Variants in ADCY6 observed in about 807,000 individuals in gnomAD.
ADCY6 encodes the protein adenylate cyclase 6, also known as adenylate cyclase type 6.
Under a neutral mutation model 111.6 loss-of-function variants are expected in ADCY6, and 59 were observed. The observed-to-expected ratio is 0.53, with a 90% CI of 0.43 to 0.66. The LOEUF is 0.66. ADCY6 is among the 30% of genes least tolerant of loss of function. ADCY6 has a pLI of 0.00. For synonymous variants in ADCY6, 576 were observed against 642.9 expected, an observed-to-expected ratio of 0.90 and a Z score of 1.57; for missense variants, 1,242 against 1,595.6, an observed-to-expected ratio of 0.78 and a Z score of 3.78.
chr12:48,781,817 C>T (rs1271405329), intron 2 of ADCY6, among the ~76,000 whole-genome samples: 1 of 152,222 alleles, frequency 6.6e-6, no homozygotes, highest in Non-Finnish European at 1.5e-5. Flanking sequence ...CGTGGAGTCC[C>T]ACCTCACACA....
At chr12:48,772,033 C>G (rs758015419) in intron 18 of ADCY6, 60 bp from the exon 19 acceptor site, 34 of 1,556,760 alleles carry the variant, frequency 2.2e-5, no homozygotes, top group Non-Finnish European at 2.9e-5. Flanking sequence ...GTGTGGTGGC[C>G]AAGGCTTGGA....
chr12:48,789,736 C>T (rs1401050879), upstream of ADCY6: 1 of 152,118 alleles, frequency 6.6e-6, no homozygotes, highest in Admixed American at 6.5e-5. Flanking sequence ...TCCTCTTCCC[C>T]CCAGTCTCTG....
At position 48,782,858 on chromosome 12, in the gene ADCY6, C is replaced by A. The variant is rs1283741923; in HGVS notation, c.577G>T (p.Gly193Trp). The A allele has an allele frequency of 1.2e-6, 2 of 1,614,030 alleles. No individual in the cohort carries two copies. Among genetic ancestry groups the A allele is most frequent in the Admixed American group, 3.3e-5 (2 of 60,030 alleles). Residue 193 changes from glycine to tryptophan, a missense_variant, in exon 2 of 22, where the codon GGG becomes TGG. Gly to Trp is a radical substitution (Grantham distance 184). Coordinates refer to ENST00000357869, the MANE Select transcript of ADCY6 (RefSeq NM_015270.5). The surrounding 1 kb of genome is among the most constrained non-coding windows in gnomAD (Gnocchi z 4.3). ...TGCCGGTTACACACCACCATGAGCC[C>A]CACGAACAGGGCGGCGGCACAGGCC... ...LLACAAALFV[G>W]LMVVCNRHSF...
rs1006472757 is a variant in ADCY6 at position 48,771,395 on chromosome 12, C to A, written c.3051+315G>T. On this transcript the variant is annotated intron_variant, in intron 19 of 21. Transcript: ENST00000357869. The surrounding 1 kb of genome is among the most constrained non-coding windows in gnomAD (Gnocchi z 4.3). ...CAGAGGACCATCTTGCTTGGTTGGT[C>A]TCATGAGGTTCTGTCCACAGACTAT... 3.9e-6 allele frequency: 2 copies of A among 518,754 alleles called. No individual in the cohort carries two copies. Among genetic ancestry groups the A allele is most frequent in the Admixed American group, 6.4e-5 (2 of 31,236 alleles). The allele number at this position is 518,754 out of a possible 1,614,324, so 32.1% of individuals were successfully genotyped here. A position where few individuals can be genotyped will look rare whatever the true frequency, so the allele number is the denominator to read the frequency against.
At position 48,776,805 on chromosome 12, in the gene ADCY6, G is replaced by C. The variant is rs865963816; in HGVS notation, c.1377-219C>G. Reference sequence around the variant, plus strand: ...AGCAGGGGCCCAGCAGCATCTTATGGAACTGAGCTAGGAGAAGAGGAATCA... The same window carrying C: ...AGCAGGGGCCCAGCAGCATCTTATGCAACTGAGCTAGGAGAAGAGGAATCA... On this transcript the variant is annotated intron_variant, in intron 6 of 21. Coordinates refer to ENST00000357869, the MANE Select transcript of ADCY6 (RefSeq NM_015270.5). This position sits in a 1 kb window ranked among gnomAD's most constrained non-coding sequence, Gnocchi z 6.1. Among the ~76,000 whole-genome samples, 1 of 152,184 alleles carries C rather than the reference G, an allele frequency of 6.6e-6. No homozygotes were observed. The highest frequency in any genetic ancestry group is 2.4e-5 in the African/African-American group (1 of 41,444).
intron 18 of ADCY6, 122 bp downstream of exon 18, chr12:48,772,173 T>C (rs1764525903): frequency 1.4e-6 from 2 of 1,453,462 alleles, no homozygotes; most frequent in African/African-American, 2.8e-5. Context: ...AGAGAAGGAA[T>C]GGAACCAGGG....
At position 48,772,386 on chromosome 12, in the gene ADCY6, G is replaced by C. The variant is rs1300436871; in HGVS notation, c.2696C>G (p.Pro899Arg). 2.5e-6 allele frequency: 4 copies of C among 1,614,204 alleles called. No homozygotes were observed. In the South Asian group the frequency reaches 4.4e-5, roughly 18 times the overall value. Residue 899 changes from proline (P) to arginine (R), a missense_variant, in exon 18 of 22, where the codon CCT becomes CGT. Physicochemically the swap from Pro to Arg is moderately radical, Grantham distance 103. Around this residue, in one of 4 missense-constraint regions of ADCY6, gnomAD observed 245 missense variants for 371.3 expected, o/e 0.66. Coordinates refer to ENST00000357869, the MANE Select transcript of ADCY6 (RefSeq NM_015270.5). ...AGRVALKYMTPVILLVFALAL... is the reference protein window; with the variant it reads ...AGRVALKYMTRVILLVFALAL... ...CAGCGCAAACACCAGCAGAATCACA[G>C]GGGTCATATATTTGAGGGCCACCCT...
intron 2 of ADCY6, chr12:48,778,536 C>G: frequency 2.3e-6 from 1 of 437,258 alleles, no homozygotes; most frequent in Non-Finnish European, 4.2e-6. Context: ...AGTCATGGGG[C>G]CCAGCCCCAG....
intron 2 of ADCY6, among the ~76,000 whole-genome samples, chr12:48,780,170 C>T (rs1007202546): frequency 3.3e-5 from 5 of 151,954 alleles, no homozygotes; most frequent in Non-Finnish European, 5.9e-5. Context: ...GGAAGGGGGA[C>T]GAGACTGAAA....
chr12:48,774,640 T>C (rs1214587092), intron 13 of ADCY6, 51 bp downstream of exon 13: 3 of 1,595,166 alleles, frequency 1.9e-6, no homozygotes, highest in Non-Finnish European at 2.6e-6. Flanking sequence ...CTCCTCCCTG[T>C]CTGGAGTCCA....
chr12:48,771,468 A>G lies in ADCY6; in HGVS notation c.3051+242T>C. ...CACCTGGTACCTATCCTATCCCCCT[A>G]CAGATCAAGTCCTCCCCTGCTCCCC... On this transcript the variant is annotated intron_variant, in intron 19 of 21. Transcript: ENST00000357869. The surrounding 1 kb of genome is among the most constrained non-coding windows in gnomAD (Gnocchi z 4.3). 1.6e-6 allele frequency: 1 copy of G among 637,216 alleles called. No individual in the cohort carries two copies. Among genetic ancestry groups the G allele is most frequent in the South Asian group, 1.8e-5 (1 of 56,474 alleles). 39.5% of individuals were successfully genotyped at this position (637,216 alleles called of 1,614,324 possible).
At chr12:48,788,545 G>T (rs1039510424) in intron 1 of ADCY6, among the ~76,000 whole-genome samples, 3 of 151,872 alleles carry the variant, frequency 2.0e-5, no homozygotes, top group African/African-American at 7.3e-5. Context: ...TCCCCTAAAT[G>T]GAATCTCCCC....
rs1329175528 is a variant in ADCY6, at chr12:48,774,410, C to T, written c.2275G>A (p.Ala759Thr). The T allele has an allele frequency of 6.2e-7, 1 of 1,612,966 alleles. No individual in the cohort carries two copies. The highest frequency in any genetic ancestry group is 8.5e-7 in the Non-Finnish European group (1 of 1,179,198). The change falls in exon 14 of 22, where the codon GCC (alanine) becomes ACC (threonine). Residue 759 changes from alanine to threonine, a missense_variant. Physicochemically the swap from Ala to Thr is moderately conservative, Grantham distance 58 (BLOSUM62 0). Transcript: ENST00000357869. Reference sequence around the variant, plus strand: ...TCCCACTGGACCCTTACCATGTTGGCAATGGCAGAAGTAAACACAAGCAGG... The same window carrying T: ...TCCCACTGGACCCTTACCATGTTGGTAATGGCAGAAGTAAACACAAGCAGG... ...SVLLVFTSAI[A>T]NMFTCNHTPI...
rs1941875117 is a variant in ADCY6 at position 48,782,683 on chromosome 12, G to A, written c.752C>T (p.Thr251Met). The change falls in exon 2 of 22, where the codon ACG becomes ATG. Residue 251 changes from threonine to methionine, a missense_variant. Physicochemically the swap from Thr to Met is moderately conservative, Grantham distance 81. Transcript: ENST00000357869. The surrounding 1 kb of genome is among the most constrained non-coding windows in gnomAD (Gnocchi z 4.3). Reference sequence around the variant, plus strand: ...AGCCCGCATGCGGATGGGGAGGAGCGTGTAGGCGATGTAGACAAAGAACAC... The same window carrying A: ...AGCCCGCATGCGGATGGGGAGGAGCATGTAGGCGATGTAGACAAAGAACAC... ...CPVFFVYIAYTLLPIRMRAAV... is the reference protein window; with the variant it reads ...CPVFFVYIAYMLLPIRMRAAV... The A allele has an allele frequency of 1.9e-6, 3 of 1,593,322 alleles. No individual in the cohort carries two copies. Among genetic ancestry groups the A allele is most frequent in the Non-Finnish European group, 1.7e-6 (2 of 1,169,062 alleles).
intron 9 of ADCY6, 58 bp downstream of exon 9, chr12:48,775,905 A>C: frequency 6.4e-7 from 1 of 1,559,130 alleles, no homozygotes; most frequent in Non-Finnish European, 8.7e-7. Flanking sequence ...GGTCAGGGAC[A>C]GGGTATTGAG....
chr12:48,769,589 CTTT>C (rs1372908998), intron 20 of ADCY6, among the ~76,000 whole-genome samples: 2 of 138,830 alleles, frequency 1.4e-5, no homozygotes, highest in Non-Finnish European at 1.6e-5. Context: ...CCTTTCTTTT[CTTT>C]TTTTTTTTTT....
In ADCY6 at chr12:48,777,575, A is replaced by T; in HGVS notation, c.1136+40T>A. On this transcript the variant is annotated intron_variant, in intron 4 of 21. Transcript: ENST00000357869. This position sits in a 1 kb window ranked among gnomAD's most constrained non-coding sequence, Gnocchi z 4.9. The stretch of plus-strand genomic sequence containing the variant: ...ACACATAGCCCTCAAAGACTTCCAG[A>T]CCCCCCGCCCTGCTGGGCATCCTCC... 1 of 1,611,876 alleles carries T rather than the reference A, an allele frequency of 6.2e-7. No individual in the cohort carries two copies. The highest frequency in any genetic ancestry group is 8.5e-7 in the Non-Finnish European group (1 of 1,179,624).
chr12:48,770,566 G>T (rs536161174), intron 20 of ADCY6, among the ~76,000 whole-genome samples, 200 bp downstream of exon 20: 1 of 152,282 alleles, frequency 6.6e-6, no homozygotes, highest in East Asian at 1.9e-4. Flanking sequence ...ATAGTATCAG[G>T]ATTAAAATAT....
Position 48,783,154 on chromosome 12 carries a change from G to A in ADCY6, c.281C>T (p.Thr94Ile). Residue 94 changes from threonine to isoleucine, a missense_variant, in exon 2 of 22, where the codon ACC becomes ATC. This residue lies in a region of ADCY6 where 362 missense variants were observed against 377.2 expected (regional missense o/e 0.96). Coordinates refer to ENST00000357869, the MANE Select transcript of ADCY6 (RefSeq NM_015270.5). ...LRAVALGFEDTEVTTTAGGTA... is the reference protein window; with the variant it reads ...LRAVALGFEDIEVTTTAGGTA... ...CCCGCCCGCTGTCGTTGTCACCTCGGTATCCTCGAAGCCCAGGGCCACTGC... is the reference window on the plus strand; with the variant it reads ...CCCGCCCGCTGTCGTTGTCACCTCGATATCCTCGAAGCCCAGGGCCACTGC... 1 of 1,607,442 alleles carries A rather than the reference G, an allele frequency of 6.2e-7. No individual in the cohort carries two copies. The highest frequency in any genetic ancestry group is 8.5e-7 in the Non-Finnish European group (1 of 1,179,518).
Sources: allele counts gnomAD v4.1 joint callset (sites outside exome capture counted in the v4.1 genomes callset), GRCh38; gene constraint gnomAD v4.1.1; regional missense constraint gnomAD v4.1.1; non-coding constraint Gnocchi (gnomAD v3.1); transcripts MANE v1.5; gene names NCBI Gene and HGNC (gene_info 2026-07-23, HGNC 2026-07-21).